The following CBR4 variants were observed in gnomAD, a reference collection of about 807,000 sequenced individuals.
The protein encoded by CBR4 is 3-oxoacyl-[acyl-carrier-protein] reductase.
CBR4 carries 22 observed loss-of-function variants against 21.0 expected under a neutral mutation model. The observed-to-expected ratio is 1.05, with a 90% confidence interval of 0.75 to 1.50. The LOEUF (loss-of-function observed/expected upper bound fraction) is 1.50, where lower values mean the gene tolerates loss of function less well. Ranked by LOEUF, CBR4 falls within the 40% of genes most tolerant of loss-of-function variation. The pLI, the probability that CBR4 is intolerant of heterozygous loss-of-function variation, is 0.00. For synonymous variants in CBR4, 100 were observed against 104.4 expected (o/e 0.96, Z 0.26); for missense variants, 302 against 286.3 (o/e 1.05, Z -0.40).
chr4:168,968,773 A>C (rs1764116528), intron 2 of CBR4, among the ~76,000 whole-genome samples: 1 of 152,236 alleles, frequency 6.6e-6, no homozygotes, highest in Non-Finnish European at 1.5e-5. Context: ...AATCTCTGCC[A>C]TTCTACCAGG....
At chr4:168,941,810 T>A (rs776353232) in intron 2 of CBR4, among the ~76,000 whole-genome samples, 5 of 152,220 alleles carry the variant, frequency 3.3e-5, no homozygotes, top group Admixed American at 6.5e-5. Flanking sequence ...ATTTCTCTAA[T>A]GACCAGTGAT....
chr4:168,981,820 A>T (rs1399946229), intron 2 of CBR4, among the ~76,000 whole-genome samples: 1 of 152,240 alleles, frequency 6.6e-6, no homozygotes, highest in Non-Finnish European at 1.5e-5. Flanking sequence ...ACTAAGCTTC[A>T]TAAGTGAAGG....
chr4:168,950,686 A>G (rs1226585084), intron 2 of CBR4, among the ~76,000 whole-genome samples: 1 of 152,190 alleles, frequency 6.6e-6, no homozygotes, highest in Non-Finnish European at 1.5e-5. Context: ...TCAGTGGAGT[A>G]CTGAAGTCTC....
chr4:168,921,849 A>G, intron 2 of CBR4: 1 of 893,382 alleles, frequency 1.1e-6, no homozygotes, highest in Non-Finnish European at 1.8e-6. Context: ...TATTGAAAAA[A>G]TAGATTGTAT....
chr4:168,988,744 A>T lies in CBR4; in HGVS notation c.*1406T>A. ...TTGACTTTCTCATATCCTGAGATTA[A>T]TCTAAGAAAACTATTTCAAAGATAA... is the stretch of plus-strand genomic sequence containing the variant. On this transcript the variant is annotated 3_prime_UTR_variant, in exon 5 of 5. Coordinates refer to ENST00000306193, the MANE Select transcript of CBR4 (RefSeq NM_032783.5). 1 of 966,624 alleles carries T rather than the reference A, an allele frequency of 1.0e-6. No individual in the cohort carries two copies. The highest frequency in any genetic ancestry group is 4.8e-5 in the South Asian group (1 of 20,944). 59.9% of individuals were successfully genotyped at this position (966,624 alleles called of 1,614,324 possible).
intron 2 of CBR4, among the ~76,000 whole-genome samples, chr4:168,959,271 C>G (rs1763774459): frequency 6.6e-6 from 1 of 152,076 alleles, no homozygotes. Flanking sequence ...TTGTTCCAAC[C>G]CCATTTGCTC....
At position 169,002,131 on chromosome 4, in the gene CBR4, A is replaced by G. The variant is rs1730498728; in HGVS notation, c.475T>C (p.Ser159Pro). ...GCTACCTCTTTAGCAAGAGCACGTG[A>G]AAATCCAACTAATCCTCCTTTACTG... ...SASKGGLVGF[S>P]RALAKEVARK... Residue 159 changes from serine to proline, a missense_variant, in exon 4 of 5, where the codon TCA becomes CCA. Ser to Pro is a moderately conservative substitution (Grantham distance 74, BLOSUM62 -1). Transcript: ENST00000306193. The G allele has an allele frequency of 1.3e-6, 2 of 1,599,494 alleles. No homozygotes were observed. The highest frequency in any genetic ancestry group is 1.7e-5 in the Admixed American group (1 of 58,312).
At position 168,989,045 on chromosome 4, in the gene CBR4, C is replaced by T; in HGVS notation, c.*1105G>A. ...CGGTTTGTGTCTTTATCTCTACTCC[C>T]AGGCAAATATTCTCACTTAAGACCA... On this transcript the variant is annotated 3_prime_UTR_variant, in exon 5 of 5. Transcript: ENST00000306193. 4 of 985,010 alleles carry T rather than the reference C, an allele frequency of 4.1e-6. No homozygotes were observed. In the South Asian group the frequency reaches 1.9e-4, roughly 46 times the overall value. 61.0% of individuals were successfully genotyped at this position (985,010 alleles called of 1,614,324 possible).
intron 2 of CBR4, among the ~76,000 whole-genome samples, chr4:168,920,083 T>G (rs1440896184): frequency 6.6e-6 from 1 of 152,160 alleles, no homozygotes; most frequent in East Asian, 1.9e-4. Flanking sequence ...TGCCGCTTTG[T>G]TTCTAGATGT....
At chr4:168,932,798 G>C (rs976911431) in intron 2 of CBR4, among the ~76,000 whole-genome samples, 21 of 152,074 alleles carry the variant, frequency 1.4e-4, no homozygotes, top group African/African-American at 5.1e-4. Context: ...GAAAAATATT[G>C]CCAGTAAAGA....
chr4:168,926,549 TA>T (rs1163998454), intron 2 of CBR4: 5 of 570,276 alleles, frequency 8.8e-6, no homozygotes, highest in Non-Finnish European at 1.5e-5. Context: ...AAACTTAGTT[TA>T]AGTAGATAAT....
intron 2 of CBR4, among the ~76,000 whole-genome samples, chr4:168,895,614 T>G (rs1754960839): frequency 6.6e-6 from 1 of 152,138 alleles, no homozygotes; most frequent in Admixed American, 6.5e-5. Context: ...TGGAAGTGGG[T>G]CATCATAAAG....
At chr4:168,984,630 C>G (rs1003449170), downstream of CBR4, among the ~76,000 whole-genome samples, 19 of 152,144 alleles carry the variant, frequency 1.2e-4, no homozygotes, top group African/African-American at 4.1e-4. Context: ...AAGAACAAAG[C>G]TGGAGGCATC....
intron 2 of CBR4, among the ~76,000 whole-genome samples, chr4:168,975,826 T>G (rs560957094): frequency 2.6e-4 from 39 of 152,054 alleles, no homozygotes; most frequent in Non-Finnish European, 5.1e-4. Context: ...CCAGGGGGAT[T>G]ATGGCTGCCT....
rs28371817 is a variant in CBR4, at chr4:169,010,117, G to A, written c.-28C>T. 1,303,980 of 1,586,760 alleles carry A rather than the reference G, an allele frequency of 0.82. 538,329 individuals are homozygous for A. Among genetic ancestry groups the A allele is most frequent in the East Asian group, 1 (42,683 of 42,724 alleles). ...CGGAGTCACAAACTCGGAGGAAAGA[G>A]GGTAGGGAGTGGGAGCCCCTCTCCA... On this transcript the variant is annotated 5_prime_UTR_variant, in exon 1 of 5. Transcript: ENST00000306193.
chr4:168,916,089 C>G (rs1294705127), intron 2 of CBR4: 1 of 1,480,126 alleles, frequency 6.8e-7, no homozygotes, highest in East Asian at 2.3e-5. Context: ...TGCCATTTCT[C>G]TATAGTTCCT....
At chr4:168,943,186 T>C (rs1763308880) in intron 2 of CBR4, among the ~76,000 whole-genome samples, 1 of 152,168 alleles carries the variant, frequency 6.6e-6, no homozygotes, top group Non-Finnish European at 1.5e-5. Context: ...GTGCCACCTA[T>C]AGGCCTGAAG....
At chr4:169,001,910 G>T in intron 4 of CBR4, 161 bp downstream of exon 4, 1 of 563,550 alleles carries the variant, frequency 1.8e-6, no homozygotes, top group Non-Finnish European at 2.9e-6. Flanking sequence ...AGAATATGAG[G>T]TACAAAAAAT....
intron 2 of CBR4, among the ~76,000 whole-genome samples, chr4:168,964,356 A>G (rs1763955333): frequency 6.6e-6 from 1 of 152,238 alleles, no homozygotes; most frequent in South Asian, 2.1e-4. Context: ...TTCTTATGTC[A>G]TAATGCCAGA....
Sources: gnomAD v4.1 joint callset for allele counts (sites outside exome capture counted in the v4.1 genomes callset) on GRCh38, gnomAD v4.1.1 for gene constraint, MANE v1.5 for transcripts, NCBI Gene and HGNC (gene_info 2026-07-23, HGNC 2026-07-21) for gene names.